The following PLEKHH2 variants were observed in gnomAD, a reference collection of about 807,000 sequenced individuals.
PLEKHH2 encodes pleckstrin homology domain-containing family H member 2.
PLEKHH2 carries 129 observed loss-of-function variants against 187.9 expected under a neutral mutation model. That is an observed-to-expected ratio of 0.69 (90% CI 0.59 to 0.79). The LOEUF is 0.79. PLEKHH2 is among the 30% of genes least tolerant of loss of function. The pLI is 0.00. For missense variants in PLEKHH2, 2,076 were observed against 1,751.2 expected (o/e 1.19, Z -3.31); for synonymous variants, 686 against 605.6 (o/e 1.13, Z -1.95).
intron 16 of PLEKHH2, among the ~76,000 whole-genome samples, chr2:43,722,781 G>T (rs139289495): frequency 6.6e-6 from 1 of 152,100 alleles, no homozygotes; most frequent in African/African-American, 2.4e-5. Flanking sequence ...TCTGTAATAA[G>T]CATGTGTTTT....
At chr2:43,702,913 CCTCT>C (rs1337716539) in intron 8 of PLEKHH2, among the ~76,000 whole-genome samples, 1 of 152,096 alleles carries the variant, frequency 6.6e-6, no homozygotes, top group East Asian at 1.9e-4. Flanking sequence ...CCTCCAGTCC[CCTCT>C]CTCTAATTCT....
intron 2 of PLEKHH2, among the ~76,000 whole-genome samples, chr2:43,655,440 C>G (rs1666705463): frequency 1.3e-5 from 2 of 152,246 alleles, no homozygotes; most frequent in African/African-American, 4.8e-5. Flanking sequence ...TTAGATAACA[C>G]TTTAGAAACT....
chr2:43,646,606 T>A (rs938444632), intron 2 of PLEKHH2, among the ~76,000 whole-genome samples: 2 of 152,222 alleles, frequency 1.3e-5, no homozygotes, highest in African/African-American at 4.8e-5. Flanking sequence ...TTAGAAAGCA[T>A]GTTGCAGCAA....
chr2:43,718,709 C>T (rs1670331605), intron 15 of PLEKHH2, among the ~76,000 whole-genome samples: 1 of 152,028 alleles, frequency 6.6e-6, no homozygotes, highest in Non-Finnish European at 1.5e-5. Context: ...TAGCCAGATG[C>T]ATTATACTTC....
At chr2:43,648,716 C>A (rs185077535) in intron 2 of PLEKHH2, among the ~76,000 whole-genome samples, 2 of 151,800 alleles carry the variant, frequency 1.3e-5, no homozygotes, top group Non-Finnish European at 2.9e-5. Flanking sequence ...AAGTAGCTGG[C>A]ATTACAGTCA....
intron 24 of PLEKHH2, 82 bp from the exon 25 acceptor site, chr2:43,753,537 A>G: frequency 8.5e-7 from 1 of 1,174,292 alleles, no homozygotes; most frequent in Non-Finnish European, 1.1e-6. Flanking sequence ...AAACAACCCC[A>G]TCTCAGTCCT....
intron 22 of PLEKHH2, among the ~76,000 whole-genome samples, chr2:43,743,559 A>G (rs566261045): frequency 6.6e-6 from 1 of 152,336 alleles, no homozygotes; most frequent in African/African-American, 2.4e-5. Context: ...GGTAAGCATA[A>G]TATCTTTGCA....
intron 26 of PLEKHH2, 49 bp from the exon 27 acceptor site, chr2:43,758,851 T>A: frequency 6.8e-7 from 1 of 1,472,442 alleles, no homozygotes. Flanking sequence ...ACACACTGTT[T>A]ATGTTTTTGC....
intron 23 of PLEKHH2, among the ~76,000 whole-genome samples, chr2:43,745,247 C>T (rs1007284764): frequency 2.0e-5 from 3 of 151,902 alleles, no homozygotes; most frequent in East Asian, 1.9e-4. Context: ...ACCCAGGAGG[C>T]GGAGGTTGTA....
intron 9 of PLEKHH2, 150 bp downstream of exon 9, chr2:43,704,206 A>G (rs746082383): frequency 1.2e-5 from 7 of 590,946 alleles, no homozygotes; most frequent in African/African-American, 1.9e-5. Context: ...ATTCATAGGA[A>G]TAGAAAGTAG....
At chr2:43,748,921 T>C (rs1230857984) in intron 24 of PLEKHH2, among the ~76,000 whole-genome samples, 1 of 152,186 alleles carries the variant, frequency 6.6e-6, no homozygotes, top group Non-Finnish European at 1.5e-5. Flanking sequence ...CATGCCCAGC[T>C]AATTTTTGTA....
chr2:43,644,692 C>A lies in PLEKHH2; in HGVS notation c.19C>A (p.Pro7Thr), dbSNP rs1666103401. MAELSE[P>T]EGPVDWKERC... ...TTAGAATATGGCAGAGCTTTCTGAG[C>A]CAGAGGGACCAGTAGATTGGAAGGA... The change falls in exon 2 of 30, where the codon CCA becomes ACA. Residue 7 changes from proline (P) to threonine (T), a missense_variant. Coordinates refer to ENST00000282406, the MANE Select transcript of PLEKHH2 (RefSeq NM_172069.4). 1 of 1,598,688 alleles carries A rather than the reference C, an allele frequency of 6.3e-7. No individual in the cohort carries two copies. The highest frequency in any genetic ancestry group is 1.7e-5 in the Admixed American group (1 of 58,644).
chr2:43,668,665 C>A (rs1256762381), intron 2 of PLEKHH2, among the ~76,000 whole-genome samples: 1 of 152,156 alleles, frequency 6.6e-6, no homozygotes, highest in Non-Finnish European at 1.5e-5. Context: ...CAGAGTAGAA[C>A]TACAGGATCA....
intron 2 of PLEKHH2, among the ~76,000 whole-genome samples, chr2:43,666,089 A>G (rs1667188410): frequency 6.7e-6 from 1 of 149,496 alleles, no homozygotes; most frequent in South Asian, 2.1e-4. Context: ...GCCGCCTTGC[A>G]GTTTGATCTC....
At chr2:43,698,678 A>G (rs1041457609) in intron 7 of PLEKHH2, among the ~76,000 whole-genome samples, 14 of 152,074 alleles carry the variant, frequency 9.2e-5, no homozygotes, top group Admixed American at 5.9e-4. Context: ...ACTTCCTAAT[A>G]CCGAATTTTA....
intron 26 of PLEKHH2, 44 bp from the exon 27 acceptor site, chr2:43,758,856 T>G (rs1672319136): frequency 6.7e-7 from 1 of 1,494,212 alleles, no homozygotes; most frequent in Admixed American, 2.1e-5. Context: ...CTGTTTATGT[T>G]TTTGCTTTAG....
Position 43,668,889 on chromosome 2 carries a change from G to A in PLEKHH2, c.124-9974G>A, listed in dbSNP as rs573986529. Among the ~76,000 whole-genome samples, 7 of 152,256 alleles carry A rather than the reference G, an allele frequency of 4.6e-5. No individual in the cohort carries two copies. In the East Asian group the frequency reaches 1.2e-3, roughly 25 times the overall value. On this transcript the variant is annotated intron_variant, in intron 2 of 29. Transcript: ENST00000282406. Reference sequence around the variant, plus strand: ...GAAGAGTTAATTAGCTTTGAGTCTGGCCAGTTCCCTTGATACCCATCCCTG... The same window carrying A: ...GAAGAGTTAATTAGCTTTGAGTCTGACCAGTTCCCTTGATACCCATCCCTG...
chr2:43,767,391 A>G lies in PLEKHH2; in HGVS notation c.*1793A>G, dbSNP rs1000696982. The G allele has an allele frequency of 2.6e-5, 4 of 152,340 alleles. No individual in the cohort carries two copies. The highest frequency in any genetic ancestry group is 4.4e-5 in the Non-Finnish European group (3 of 68,026). 9.4% of individuals were successfully genotyped at this position (152,340 alleles called of 1,614,324 possible). On this transcript the variant is annotated 3_prime_UTR_variant, in exon 30 of 30. Transcript: ENST00000282406. ...CATTGCTCAAATAATATTTTACTTT[A>G]TTGATAATGACAAAAAGAATATTTT...
intron 29 of PLEKHH2, among the ~76,000 whole-genome samples, chr2:43,764,730 A>G (rs1458041948): frequency 1.3e-5 from 2 of 152,232 alleles, no homozygotes; most frequent in Non-Finnish European, 2.9e-5. Flanking sequence ...ACATTATCTT[A>G]TTCACTTGAG....
Sources: gnomAD v4.1 joint callset for allele counts (sites outside exome capture counted in the v4.1 genomes callset) on GRCh38, gnomAD v4.1.1 for gene constraint, MANE v1.5 for transcripts, NCBI Gene and HGNC (gene_info 2026-07-23, HGNC 2026-07-21) for gene names.